Variants in FBP1 observed in about 807,000 individuals in gnomAD.
The protein encoded by FBP1 is fructose-1,6-bisphosphatase 1.
A neutral mutation model predicts 29.9 loss-of-function variants in FBP1; 22 were observed. The ratio of observed to expected loss-of-function variants is 0.74; its 90% CI spans 0.53 to 1.05. The LOEUF is 1.05. Among genes scored for constraint, FBP1 ranks in the 50% least tolerant of loss-of-function variants. The pLI is 0.00. For missense variants in FBP1, 345 were observed against 448.2 expected, an observed-to-expected ratio of 0.77 and a Z score of 2.08; for synonymous variants, 175 against 178.6, an observed-to-expected ratio of 0.98 and a Z score of 0.16.
intron 3 of FBP1, among the ~76,000 whole-genome samples, chr9:94,615,240 G>A (rs1474802177): frequency 6.6e-6 from 1 of 152,026 alleles, no homozygotes; most frequent in African/African-American, 2.4e-5. Flanking sequence ...GTCACTTCTG[G>A]TTCATTGAGA....
chr9:94,613,076 CG>C (rs1827809030), intron 3 of FBP1, among the ~76,000 whole-genome samples: 2 of 152,136 alleles, frequency 1.3e-5, no homozygotes, highest in African/African-American at 4.8e-5. Flanking sequence ...GGCACAGAAA[CG>C]GAGGGCCTGG....
Position 94,603,511 on chromosome 9 carries a change from G to C in FBP1, c.887C>G (p.Ala296Gly), listed in dbSNP as rs1421018930. ...AYVMEKAGGMATTGKEAVLDV... is the reference protein window; with the variant it reads ...AYVMEKAGGMGTTGKEAVLDV... The stretch of plus-strand genomic sequence containing the variant: ...TAACACGGCCTCCTTCCCAGTGGTG[G>C]CCATTCCCCCAGCCTTCTCCATGAC... The change falls in exon 7 of 7, where the codon GCC (alanine) becomes GGC (glycine). Residue 296 changes from alanine to glycine, a missense_variant. Coordinates refer to ENST00000375326, the MANE Select transcript of FBP1 (RefSeq NM_000507.4). 1 of 1,614,120 alleles carries C rather than the reference G, an allele frequency of 6.2e-7. No homozygotes were observed. The highest frequency in any genetic ancestry group is 1.7e-5 in the Admixed American group (1 of 60,022).
chr9:94,635,821 C>T (rs574475269), intron 1 of FBP1, among the ~76,000 whole-genome samples: 1 of 152,274 alleles, frequency 6.6e-6, no homozygotes, highest in South Asian at 2.1e-4. Context: ...ACTTCAATAC[C>T]TCATGATGTG....
At chr9:94,626,625 A>C (rs966441753) in intron 1 of FBP1, among the ~76,000 whole-genome samples, 2 of 152,198 alleles carry the variant, frequency 1.3e-5, no homozygotes, top group African/African-American at 4.8e-5. Context: ...AGGTCAATGA[A>C]AAGTGGCAAG....
At chr9:94,609,077 C>T (rs1478496559) in intron 4 of FBP1, among the ~76,000 whole-genome samples, 1 of 151,876 alleles carries the variant, frequency 6.6e-6, no homozygotes, top group Non-Finnish European at 1.5e-5. Context: ...GTAGTCCCAG[C>T]TACTCAGGAG....
At chr9:94,639,544 G>C (rs1389220684), upstream of FBP1, 12 of 606,522 alleles carry the variant, frequency 2.0e-5, no homozygotes, top group Non-Finnish European at 2.9e-5. Flanking sequence ...GTGAATCGCG[G>C]AAACCTTTAG....
chr9:94,617,968 G>A, intron 2 of FBP1, 108 bp from the exon 3 acceptor site: 1 of 839,592 alleles, frequency 1.2e-6, no homozygotes, highest in Non-Finnish European at 2.0e-6. Flanking sequence ...TTCAAAAAAT[G>A]TGGGTCTTAT....
At chr9:94,607,095 T>C (rs1031312224) in intron 4 of FBP1, 143 bp from the exon 5 acceptor site, 3 of 933,732 alleles carry the variant, frequency 3.2e-6, no homozygotes, top group African/African-American at 1.6e-5. Context: ...CCGAGACACC[T>C]GCCAGGCTCT....
intron 1 of FBP1, among the ~76,000 whole-genome samples, chr9:94,624,661 T>C (rs548959019): frequency 2.7e-5 from 4 of 149,572 alleles, no homozygotes; most frequent in Admixed American, 2.7e-4. Flanking sequence ...CTCAAAAAAA[T>C]AAAAAAAAGA....
intron 1 of FBP1, among the ~76,000 whole-genome samples, chr9:94,628,983 T>G (rs1828064364): frequency 6.6e-6 from 1 of 152,220 alleles, no homozygotes; most frequent in African/African-American, 2.4e-5. Context: ...TTTTTGTTGT[T>G]GTTTTTTGTT....
At chr9:94,636,653 C>T (rs1828194830) in intron 1 of FBP1, among the ~76,000 whole-genome samples, 1 of 151,958 alleles carries the variant, frequency 6.6e-6, no homozygotes, top group African/African-American at 2.4e-5. Context: ...GTGAAAGGTA[C>T]TGACACATTT....
intron 3 of FBP1, among the ~76,000 whole-genome samples, 164 bp downstream of exon 3, chr9:94,617,604 G>A (rs985298304): frequency 3.3e-5 from 5 of 151,980 alleles, no homozygotes; most frequent in Non-Finnish European, 5.9e-5. Context: ...GTGGGTCTTC[G>A]TCATGCAATT....
rs546513365 is a variant in FBP1 at position 94,609,929 on chromosome 9, G to A, written c.559C>T (p.Leu187=). Residue 187 remains leucine (L), a synonymous_variant, in exon 4 of 7, where the codon CTG becomes TTG. Transcript: ENST00000375326. ...AMDCGVNCFM[L]DPAIGEFILV... ...CCTGTGAGGTCTCTCACCGGGTCCAGCATGAAGCAGTTGACCCCACAGTCC... is the reference window on the plus strand; with the variant it reads ...CCTGTGAGGTCTCTCACCGGGTCCAACATGAAGCAGTTGACCCCACAGTCC... The A allele has an allele frequency of 2.5e-6, 4 of 1,614,122 alleles. No homozygotes were observed. In the East Asian group the frequency reaches 6.7e-5, roughly 27 times the overall value.
chr9:94,618,455 T>TAAAA (rs59806476), intron 2 of FBP1, among the ~76,000 whole-genome samples: 1 of 74,592 alleles, frequency 1.3e-5, no homozygotes, highest in Non-Finnish European at 2.4e-5. Context: ...ACTCCTTCTG[T>TAAAA]AAAAAAAAAA....
intron 2 of FBP1, 119 bp from the exon 3 acceptor site, chr9:94,617,979 T>G (rs760890329): frequency 4.9e-5 from 37 of 750,838 alleles, no homozygotes; most frequent in Non-Finnish European, 7.7e-5. Context: ...TGGGTCTTAT[T>G]TATTTGTACT....
At chr9:94,612,594 A>T (rs956642419) in intron 3 of FBP1, among the ~76,000 whole-genome samples, 2 of 120,664 alleles carry the variant, frequency 1.7e-5, no homozygotes, top group African/African-American at 6.5e-5. Context: ...GTCTTGCTCT[A>T]TCGCCAGGCT....
In FBP1 at chr9:94,603,167, C is replaced by T. The variant is rs1231787061; in HGVS notation, c.*214G>A. On this transcript the variant is annotated 3_prime_UTR_variant, in exon 7 of 7. Transcript: ENST00000375326. ...AGGAGGAATAAGTTTATTTCTCCTC[C>T]ATCCACTCAAAATATATCTTAACAC... The T allele has an allele frequency of 5.1e-6, 3 of 587,706 alleles. No individual in the cohort carries two copies. The Admixed American group carries it at 8.9e-5, about 17-fold the overall frequency. The allele number at this position is 587,706 out of a possible 1,614,324, so 36.4% of individuals were successfully genotyped here.
At chr9:94,638,821 C>T (rs1382840921) in intron 1 of FBP1, among the ~76,000 whole-genome samples, 1 of 152,092 alleles carries the variant, frequency 6.6e-6, no homozygotes, top group Admixed American at 6.5e-5. Context: ...CAGGTGCCCA[C>T]ACTTGGCCGG....
At chr9:94,622,646 C>T (rs896197341) in intron 1 of FBP1, among the ~76,000 whole-genome samples, 1 of 152,142 alleles carries the variant, frequency 6.6e-6, no homozygotes, top group Non-Finnish European at 1.5e-5. Context: ...TTCCAGCCTG[C>T]AAAGCACATC....
Sources: allele counts gnomAD v4.1 joint callset (sites outside exome capture counted in the v4.1 genomes callset), GRCh38; gene constraint gnomAD v4.1.1; transcripts MANE v1.5; gene names NCBI Gene and HGNC (gene_info 2026-07-23, HGNC 2026-07-21).